The following EYA2 variants were observed in gnomAD, a reference collection of about 807,000 sequenced individuals.
EYA2 encodes EYA transcriptional coactivator and phosphatase 2.
EYA2 carries 31 observed loss-of-function variants against 69.2 expected under a neutral mutation model. The ratio of observed to expected loss-of-function variants is 0.45; its 90% confidence interval spans 0.34 to 0.60. EYA2 has a LOEUF of 0.60. Ranked by LOEUF, EYA2 falls within the 20% of genes least tolerant of loss-of-function variation. The pLI is 0.02. For synonymous variants in EYA2, 257 were observed against 279.4 expected (o/e 0.92, Z 0.80); for missense variants, 622 against 701.2 (o/e 0.89, Z 1.28).
chr20:47,177,670 T>G (rs2034451411), intron 12 of EYA2, among the ~76,000 whole-genome samples: 1 of 152,206 alleles, frequency 6.6e-6, no homozygotes. Context: ...AAGGCCCAGT[T>G]TGGACACTGG....
intron 10 of EYA2, 89 bp downstream of exon 10, chr20:47,143,237 T>A (rs566478809): frequency 7.0e-6 from 8 of 1,137,318 alleles, no homozygotes; most frequent in Non-Finnish European, 8.6e-6. Flanking sequence ...TTTCCTTTCT[T>A]TTTCTTTTTC....
chr20:46,976,457 C>A (rs546911777), intron 1 of EYA2, among the ~76,000 whole-genome samples: 1 of 152,202 alleles, frequency 6.6e-6, no homozygotes, highest in Non-Finnish European at 1.5e-5. Flanking sequence ...GCGATCTAGG[C>A]TCACTGCAAA....
At chr20:47,137,722 G>A (rs928968169) in intron 9 of EYA2, among the ~76,000 whole-genome samples, 1 of 152,104 alleles carries the variant, frequency 6.6e-6, no homozygotes, top group African/African-American at 2.4e-5. Context: ...AATTAATACT[G>A]AGTCACCACC....
intron 15 of EYA2, among the ~76,000 whole-genome samples, chr20:47,183,755 G>C (rs987335123): frequency 6.6e-6 from 1 of 152,138 alleles, no homozygotes; most frequent in African/African-American, 2.4e-5. Flanking sequence ...AGTTAATAAA[G>C]ACAGCATTAA....
At chr20:47,006,858 C>T (rs1982747765) in intron 4 of EYA2, among the ~76,000 whole-genome samples, 1 of 152,124 alleles carries the variant, frequency 6.6e-6, no homozygotes, top group African/African-American at 2.4e-5. Context: ...ACGTTACTCC[C>T]TTGAATTATC....
intron 9 of EYA2, among the ~76,000 whole-genome samples, chr20:47,131,624 G>A (rs2033344595): frequency 6.6e-6 from 1 of 152,188 alleles, no homozygotes; most frequent in South Asian, 2.1e-4. Flanking sequence ...TGGGCGGTAG[G>A]AGATGTGAGG....
chr20:47,015,346 T>A (rs1178293586), intron 4 of EYA2, among the ~76,000 whole-genome samples: 1 of 152,234 alleles, frequency 6.6e-6, no homozygotes, highest in Admixed American at 6.5e-5. Context: ...ATGGAATTAG[T>A]ACCTATGCTT....
intron 5 of EYA2, among the ~76,000 whole-genome samples, chr20:47,027,212 A>G (rs1023280298): frequency 2.6e-5 from 4 of 152,182 alleles, no homozygotes; most frequent in African/African-American, 4.8e-5. Context: ...GGTGAAATGG[A>G]GTCATTTCCC....
chr20:47,079,430 C>G (rs2031638552), intron 7 of EYA2, among the ~76,000 whole-genome samples: 1 of 152,152 alleles, frequency 6.6e-6, no homozygotes, highest in African/African-American at 2.4e-5. Context: ...TTCCTTGGCT[C>G]ATGACCCTGC....
chr20:47,166,393 TAAAAA>T (rs370944686), intron 10 of EYA2, among the ~76,000 whole-genome samples: 9 of 34,520 alleles, frequency 2.6e-4, no homozygotes, highest in South Asian at 1.3e-3. Flanking sequence ...CAAGACTGTC[TAAAAA>T]AAAAAAAAAA....
chr20:47,179,132 G>A (rs1454768409), intron 12 of EYA2, among the ~76,000 whole-genome samples: 1 of 151,376 alleles, frequency 6.6e-6, no homozygotes, highest in East Asian at 1.9e-4. Context: ...GCATATTTTT[G>A]TTCATATCTG....
chr20:47,108,128 G>A (rs966977658), intron 9 of EYA2, among the ~76,000 whole-genome samples: 1 of 152,206 alleles, frequency 6.6e-6, no homozygotes, highest in African/African-American at 2.4e-5. Flanking sequence ...CCTGGTTTCA[G>A]TATGGTTTGT....
chr20:47,016,374 C>A, intron 5 of EYA2, 77 bp downstream of exon 5: 1 of 1,142,282 alleles, frequency 8.8e-7, no homozygotes, highest in Non-Finnish European at 1.3e-6. Flanking sequence ...TTCATTCATT[C>A]AGCAGATTTT....
At chr20:46,956,573 A>G (rs1453308905) in intron 1 of EYA2, among the ~76,000 whole-genome samples, 1 of 152,196 alleles carries the variant, frequency 6.6e-6, no homozygotes, top group African/African-American at 2.4e-5. Flanking sequence ...TCTGGTATCC[A>G]AGGTCTTAAT....
chr20:46,989,390 C>T (rs1043187417), intron 1 of EYA2, among the ~76,000 whole-genome samples: 1 of 151,918 alleles, frequency 6.6e-6, no homozygotes, highest in African/African-American at 2.4e-5. Flanking sequence ...CTCAGCCTCC[C>T]GAGTAGCTGG....
rs370966650 is a variant in EYA2 at position 46,935,457 on chromosome 20, C to T, written c.-11+40470C>T. ...CGCCTAAGAAGTGCTCAATAAATGACGATGTTATTAATTACTATTGTTACT... is the reference window on the plus strand; with the variant it reads ...CGCCTAAGAAGTGCTCAATAAATGATGATGTTATTAATTACTATTGTTACT... On this transcript the variant is annotated intron_variant, in intron 1 of 15. Coordinates refer to ENST00000327619, the MANE Select transcript of EYA2 (RefSeq NM_005244.5). Among the ~76,000 whole-genome samples the T allele has an allele frequency of 1.3e-4, 20 of 152,202 alleles. No individual in the cohort carries two copies. In the South Asian group the frequency reaches 3.1e-3, roughly 24 times the overall value.
chr20:47,055,884 A>G (rs892650303), intron 5 of EYA2, among the ~76,000 whole-genome samples: 13 of 152,038 alleles, frequency 8.6e-5, no homozygotes, highest in African/African-American at 2.9e-4. Flanking sequence ...CATTTTGGAC[A>G]TCTCTCCACA....
intron 1 of EYA2, among the ~76,000 whole-genome samples, chr20:46,913,277 C>T (rs1236237833): frequency 3.3e-5 from 5 of 152,164 alleles, no homozygotes; most frequent in Admixed American, 3.3e-4. Flanking sequence ...CACACAGAAG[C>T]TCTGAGTGGG....
chr20:47,145,769 C>T (rs1194615719), intron 10 of EYA2, among the ~76,000 whole-genome samples: 2 of 151,812 alleles, frequency 1.3e-5, no homozygotes, highest in Non-Finnish European at 2.9e-5. Context: ...GGTGTGGTGG[C>T]GGGTGCCTGT....
Sources: allele counts gnomAD v4.1 joint callset (sites outside exome capture counted in the v4.1 genomes callset), GRCh38; gene constraint gnomAD v4.1.1; transcripts MANE v1.5; gene names NCBI Gene and HGNC (gene_info 2026-07-23, HGNC 2026-07-21).